GPD2: variants seen among roughly 807,000 people sequenced by gnomAD.
The protein encoded by GPD2 is glycerol-3-phosphate dehydrogenase 2.
GPD2 carries 54 observed loss-of-function variants against 82.4 expected under a neutral mutation model. The ratio of observed to expected loss-of-function variants is 0.66; its 90% CI spans 0.53 to 0.82. GPD2 has a LOEUF of 0.82. GPD2 is among the 40% of genes least tolerant of loss of function. The pLI is 0.00. For missense variants in GPD2, 748 were observed against 896.2 expected, an observed-to-expected ratio of 0.83 and a Z score of 2.11; for synonymous variants, 288 against 306.1, an observed-to-expected ratio of 0.94 and a Z score of 0.62.
At chr2:156,554,660 G>A (rs1196737101) in intron 8 of GPD2, among the ~76,000 whole-genome samples, 3 of 152,088 alleles carry the variant, frequency 2.0e-5, no homozygotes, top group African/African-American at 7.2e-5. Flanking sequence ...AACAAATCTG[G>A]AATTTCCATG....
intron 6 of GPD2, among the ~76,000 whole-genome samples, chr2:156,514,242 C>T (rs1268203402): frequency 6.6e-6 from 1 of 151,564 alleles, no homozygotes; most frequent in Non-Finnish European, 1.5e-5. Flanking sequence ...ACAGGCAAAG[C>T]CATTTGTAAA....
chr2:156,524,602 C>A (rs1256075408), intron 6 of GPD2, among the ~76,000 whole-genome samples: 1 of 152,136 alleles, frequency 6.6e-6, no homozygotes, highest in Non-Finnish European at 1.5e-5. Context: ...CATGAGCCCA[C>A]CAGGAGACCA....
intron 1 of GPD2, among the ~76,000 whole-genome samples, chr2:156,460,538 TC>T (rs1330407199): frequency 6.6e-6 from 1 of 152,184 alleles, no homozygotes; most frequent in African/African-American, 2.4e-5. Flanking sequence ...GCTCTTAACT[TC>T]CTGGCCTGTA....
chr2:156,582,484 TA>T (rs5835627), intron 16 of GPD2, among the ~76,000 whole-genome samples: 471 of 136,558 alleles, frequency 3.4e-3, no homozygotes, highest in South Asian at 0.026. Flanking sequence ...TTGAAGTTGC[TA>T]AAAAAAAAAA....
intron 9 of GPD2, among the ~76,000 whole-genome samples, chr2:156,568,228 G>C (rs1687460844): frequency 6.6e-6 from 1 of 152,092 alleles, no homozygotes. Flanking sequence ...TTTCTGATCT[G>C]TATGGTGAGA....
At chr2:156,496,619 A>C (rs534784935) in intron 3 of GPD2, among the ~76,000 whole-genome samples, 2 of 152,360 alleles carry the variant, frequency 1.3e-5, no homozygotes, top group South Asian at 4.1e-4. Context: ...GCACAACTTT[A>C]AAATGAAATA....
At chr2:156,424,516 AAG>A in the GPD2 span, among the ~76,000 whole-genome samples, 1 of 152,216 alleles carries the variant, frequency 6.6e-6, no homozygotes, top group East Asian at 1.9e-4. Context: ...CAGTCAGGAA[AAG>A]AGAGAAAGGA....
intron 1 of GPD2, among the ~76,000 whole-genome samples, chr2:156,443,560 TC>T (rs1196456371): frequency 1.3e-5 from 2 of 152,214 alleles, no homozygotes; most frequent in Non-Finnish European, 2.9e-5. Context: ...GGCATCTCCC[TC>T]CCTACACATT....
intron 3 of GPD2, among the ~76,000 whole-genome samples, chr2:156,497,174 G>A (rs186706197): frequency 1.8e-4 from 27 of 152,194 alleles, no homozygotes; most frequent in African/African-American, 4.8e-4. Flanking sequence ...GTTGGTGGAC[G>A]GGGGGCAAAG....
intron 3 of GPD2, among the ~76,000 whole-genome samples, chr2:156,497,158 G>C (rs776063419): frequency 1.4e-4 from 21 of 152,128 alleles, no homozygotes; most frequent in Non-Finnish European, 5.9e-5. Context: ...TAACAGATGT[G>C]TATGTGTTGG....
chr2:156,414,776 A>G, the GPD2 span, among the ~76,000 whole-genome samples: 3 of 152,210 alleles, frequency 2.0e-5, no homozygotes, highest in African/African-American at 7.2e-5. Flanking sequence ...TGATTATTAT[A>G]TCATTCCCAT....
intron 3 of GPD2, among the ~76,000 whole-genome samples, chr2:156,505,767 A>G (rs1385127717): frequency 6.6e-6 from 1 of 152,188 alleles, no homozygotes; most frequent in Non-Finnish European, 1.5e-5. Context: ...TAAGAACACA[A>G]AATGCTAGCA....
intron 11 of GPD2, 53 bp downstream of exon 11, chr2:156,569,591 C>CAG: frequency 3.0e-6 from 4 of 1,341,574 alleles, no homozygotes; most frequent in Non-Finnish European, 4.3e-6. Flanking sequence ...CTCACTGCTG[C>CAG]CAGTGACAGA....
At chr2:156,426,101 T>G in the GPD2 span, among the ~76,000 whole-genome samples, 1 of 152,040 alleles carries the variant, frequency 6.6e-6, no homozygotes, top group Non-Finnish European at 1.5e-5. Context: ...TTTTTTGTAT[T>G]TTTAGTAGAG....
upstream of GPD2, among the ~76,000 whole-genome samples, chr2:156,434,254 C>T (rs2105126462): frequency 6.6e-6 from 1 of 152,198 alleles, no homozygotes; most frequent in Non-Finnish European, 1.5e-5. Flanking sequence ...CAGGTGTTTG[C>T]CACCATGCCC....
At chr2:156,480,127 A>C (rs1683669869) in intron 2 of GPD2, among the ~76,000 whole-genome samples, 1 of 152,250 alleles carries the variant, frequency 6.6e-6, no homozygotes, top group African/African-American at 2.4e-5. Flanking sequence ...GAAAGGAAGT[A>C]GCACTTCATA....
At chr2:156,401,116 T>A in the GPD2 span, among the ~76,000 whole-genome samples, 1 of 152,042 alleles carries the variant, frequency 6.6e-6, no homozygotes, top group Non-Finnish European at 1.5e-5. Context: ...CTGTGTATGA[T>A]ACCCACAGAA....
At chr2:156,553,711 G>A (rs1686855665) in intron 8 of GPD2, among the ~76,000 whole-genome samples, 1 of 151,936 alleles carries the variant, frequency 6.6e-6, no homozygotes, top group Admixed American at 6.6e-5. Flanking sequence ...TAAAAATTTT[G>A]TGTGAAAGTG....
intron 3 of GPD2, among the ~76,000 whole-genome samples, chr2:156,497,323 A>G (rs1185123471): frequency 6.6e-6 from 1 of 152,210 alleles, no homozygotes; most frequent in Non-Finnish European, 1.5e-5. Flanking sequence ...TCAGTAAATT[A>G]TAGATAGTAT....
Sources: gnomAD v4.1 joint callset for allele counts (sites outside exome capture counted in the v4.1 genomes callset) on GRCh38, gnomAD v4.1.1 for gene constraint, MANE v1.5 for transcripts, NCBI Gene and HGNC (gene_info 2026-07-23, HGNC 2026-07-21) for gene names.